Variants in ABCG2 observed in about 807,000 individuals in gnomAD.
ABCG2 encodes the protein broad substrate specificity ATP-binding cassette transporter ABCG2.
In ABCG2, 80 loss-of-function variants were observed where a neutral mutation model predicts 73.5. The ratio of observed to expected loss-of-function variants is 1.09; its 90% CI spans 0.91 to 1.31. The LOEUF is 1.31. ABCG2 is among the 50% of genes most tolerant of loss of function. The pLI is 0.00. For synonymous variants in ABCG2, 269 were observed against 282.4 expected (o/e 0.95, Z 0.48); for missense variants, 796 against 786.2 (o/e 1.01, Z -0.15).
intron 1 of ABCG2, among the ~76,000 whole-genome samples, chr4:88,191,703 C>G (rs1161864531): frequency 6.6e-6 from 1 of 152,112 alleles, no homozygotes; most frequent in Non-Finnish European, 1.5e-5. Context: ...AATTGGAAAC[C>G]TGAATATACC....
chr4:88,121,588 G>A lies in ABCG2; in HGVS notation c.689+47C>T, dbSNP rs1311729320. ...CTGCCCCAAGAATATCTGGGACATA[G>A]TAGTGATAAGATATTAACTAAAGAA... On this transcript the variant is annotated intron_variant, in intron 6 of 15. Coordinates refer to ENST00000237612, the MANE Select transcript of ABCG2 (RefSeq NM_004827.3). The A allele has an allele frequency of 1.9e-6, 3 of 1,558,164 alleles. No homozygotes were observed. The Admixed American group carries it at 5.2e-5, about 27-fold the overall frequency.
In ABCG2 at chr4:88,094,592, G is replaced by C. The variant is rs749268995; in HGVS notation, c.1805C>G (p.Pro602Arg). 6.2e-7 allele frequency: 1 copy of C among 1,613,806 alleles called. No individual in the cohort carries two copies. Among genetic ancestry groups the C allele is most frequent in the Non-Finnish European group, 8.5e-7 (1 of 1,179,698 alleles). Residue 602 changes from proline (P) to arginine (R), a missense_variant, in exon 15 of 16, where the codon CCT becomes CGT. Pro to Arg is a moderately radical substitution (Grantham distance 103). Transcript: ENST00000237612. ...CPGLNATGNNPCNYATCTGEE... is the reference protein window; with the variant it reads ...CPGLNATGNNRCNYATCTGEE... The stretch of plus-strand genomic sequence containing the variant: ...AAAAACTTACGTTGCATAGTTACAA[G>C]GATTGTTTCCTGTTGCATTGAGTCC...
chr4:88,178,702 G>A (rs181620118), intron 1 of ABCG2, among the ~76,000 whole-genome samples: 1 of 152,100 alleles, frequency 6.6e-6, no homozygotes, highest in Non-Finnish European at 1.5e-5. Context: ...CCTGAAGGGA[G>A]AGTCCCAAAC....
Position 88,194,549 on chromosome 4 carries a change from CAAAAAAAAAAAAAAAAAAAAA to C in ABCG2, c.-20+36424_-20+36444del, listed in dbSNP as rs58945293. ...TGGGCGACAGAGCCAGACTCCGTCT[CAAAAAAAAAAAAAAAAAAAAA>C]AAAAAAAAAAAAAAGTGTGGGTGCT... On this transcript the variant is annotated intron_variant, in intron 1 of 15. Coordinates refer to the ABCG2 transcript ENST00000515655. Among the ~76,000 whole-genome samples the C allele has an allele frequency of 9.5e-5, 5 of 52,592 alleles. No homozygotes were observed. The South Asian group carries it at 5.2e-3, about 55-fold the overall frequency. 34.5% of individuals were successfully genotyped at this position (52,592 alleles called of 152,430 possible). A position where few individuals can be genotyped will look rare whatever the true frequency, so the allele number is the denominator to read the frequency against.
chr4:88,220,964 C>T (rs923610267), intron 1 of ABCG2, among the ~76,000 whole-genome samples: 4 of 152,146 alleles, frequency 2.6e-5, no homozygotes, highest in African/African-American at 4.8e-5. Context: ...AAACCTCTTC[C>T]GTTTATAAAT....
At chr4:88,146,656 A>G (rs1020594789) in intron 1 of ABCG2, among the ~76,000 whole-genome samples, 1 of 152,106 alleles carries the variant, frequency 6.6e-6, no homozygotes, top group Non-Finnish European at 1.5e-5. Context: ...AGCCTCCCAA[A>G]GTGCTGGGAT....
intron 9 of ABCG2, among the ~76,000 whole-genome samples, chr4:88,112,711 T>G (rs1373373061): frequency 6.6e-6 from 1 of 152,160 alleles, no homozygotes; most frequent in African/African-American, 2.4e-5. Flanking sequence ...TGGCTGACAC[T>G]TCTTTCACAA....
intron 1 of ABCG2, among the ~76,000 whole-genome samples, chr4:88,178,309 A>T (rs1305386870): frequency 6.6e-6 from 1 of 152,162 alleles, no homozygotes; most frequent in Non-Finnish European, 1.5e-5. Context: ...AAACACCCTG[A>T]GCCAGAAGGG....
chr4:88,143,854 GA>G (rs1189216338), intron 1 of ABCG2, among the ~76,000 whole-genome samples: 1 of 151,770 alleles, frequency 6.6e-6, no homozygotes, highest in Non-Finnish European at 1.5e-5. Flanking sequence ...CTTACTCTAA[GA>G]AAAAAAACAT....
intron 1 of ABCG2, among the ~76,000 whole-genome samples, chr4:88,183,305 A>G (rs1346752360): frequency 6.6e-6 from 1 of 152,004 alleles, no homozygotes; most frequent in East Asian, 1.9e-4. Flanking sequence ...AAAGTTAAAC[A>G]AAATTGACAA....
intron 10 of ABCG2, 123 bp downstream of exon 10, chr4:88,107,061 C>T (rs1722815254): frequency 2.7e-6 from 2 of 737,260 alleles, no homozygotes; most frequent in Non-Finnish European, 4.4e-6. Context: ...CTGACTCATC[C>T]TACCCTCAAT....
chr4:88,157,234 G>A (rs1156579287), intron 1 of ABCG2, among the ~76,000 whole-genome samples: 2 of 152,082 alleles, frequency 1.3e-5, no homozygotes, highest in Non-Finnish European at 2.9e-5. Flanking sequence ...ACAAATTGAG[G>A]GGCATTCTAC....
At chr4:88,194,887 C>G (rs1728878472) in intron 1 of ABCG2, among the ~76,000 whole-genome samples, 1 of 152,096 alleles carries the variant, frequency 6.6e-6, no homozygotes, top group Non-Finnish European at 1.5e-5. Flanking sequence ...TGGTGGCTCA[C>G]TGGGACTTTG....
intron 1 of ABCG2, among the ~76,000 whole-genome samples, chr4:88,212,008 T>A (rs1729619307): frequency 6.6e-6 from 1 of 152,326 alleles, no homozygotes; most frequent in South Asian, 2.1e-4. Flanking sequence ...CATGCTTACA[T>A]AGTGTAGGAG....
chr4:88,093,290 G>T (rs1328709566), intron 15 of ABCG2, among the ~76,000 whole-genome samples: 1 of 152,092 alleles, frequency 6.6e-6, no homozygotes, highest in East Asian at 1.9e-4. Context: ...TGGATCACGA[G>T]GTCAGGAGAC....
At chr4:88,094,801 C>T (rs1721877916) in intron 14 of ABCG2, 142 bp from the exon 15 acceptor site, 1 of 694,778 alleles carries the variant, frequency 1.4e-6, no homozygotes, top group Non-Finnish European at 2.4e-6. Context: ...CTCACCAAAC[C>T]AACTAATGTT....
rs13125210 is a variant in ABCG2 at position 88,215,146 on chromosome 4, C to T, written c.-20+15848G>A. On this transcript the variant is annotated intron_variant, in intron 1 of 15. Transcript: ENST00000515655. ...TGACTTTGCCAGAATCAGAAGAAGA[C>T]TGGGGAAGAGCTGAGAGTGTAAATT... Among the ~76,000 whole-genome samples, 1,469 of 152,120 alleles carry T rather than the reference C, an allele frequency of 9.7e-3. 23 individuals are homozygous for T. The highest frequency in any genetic ancestry group is 0.017 in the Non-Finnish European group (1,138 of 67,990).
At chr4:88,167,323 A>T (rs2622609) in intron 1 of ABCG2, among the ~76,000 whole-genome samples, 1 of 150,268 alleles carries the variant, frequency 6.7e-6, no homozygotes, top group Non-Finnish European at 1.5e-5. Flanking sequence ...CCACTTTCAA[A>T]ACAGTTTGAG....
intron 1 of ABCG2, among the ~76,000 whole-genome samples, chr4:88,192,342 G>A (rs538598234): frequency 3.8e-4 from 58 of 152,234 alleles, no homozygotes; most frequent in African/African-American, 1.3e-3. Flanking sequence ...TCACTGGATT[G>A]TATACTTACA....
Sources: gnomAD v4.1 joint callset for allele counts (sites outside exome capture counted in the v4.1 genomes callset) on GRCh38, gnomAD v4.1.1 for gene constraint, MANE v1.5 for transcripts, NCBI Gene and HGNC (gene_info 2026-07-23, HGNC 2026-07-21) for gene names.